The following BBS9 variants were observed in gnomAD, a reference collection of about 807,000 sequenced individuals.
BBS9 encodes the protein protein PTHB1.
A neutral mutation model predicts 117.7 loss-of-function variants in BBS9; 89 were observed. The observed-to-expected ratio is 0.76, with a 90% CI of 0.64 to 0.90. The LOEUF (loss-of-function observed/expected upper bound fraction) is 0.90, where lower values mean the gene tolerates loss of function less well. BBS9 is among the 40% of genes least tolerant of loss of function. The pLI is 0.00. For synonymous variants in BBS9, 379 were observed against 370.9 expected, an observed-to-expected ratio of 1.02 and a Z score of -0.25; for missense variants, 982 against 1,042.2, an observed-to-expected ratio of 0.94 and a Z score of 0.80.
chr7:33,159,160 G>A (rs1204565847), intron 4 of BBS9, among the ~76,000 whole-genome samples: 3 of 152,082 alleles, frequency 2.0e-5, no homozygotes, highest in Non-Finnish European at 4.4e-5. Flanking sequence ...AAGATGTAAG[G>A]AGGCAGCTTT....
At chr7:33,272,757 AGT>A (rs1194840483) in intron 7 of BBS9, among the ~76,000 whole-genome samples, 1 of 152,144 alleles carries the variant, frequency 6.6e-6, no homozygotes, top group Non-Finnish European at 1.5e-5. Context: ...GAAGCAGATA[AGT>A]GTTTTAGTGT....
chr7:33,280,222 G>GT (rs1801547186), intron 9 of BBS9, among the ~76,000 whole-genome samples: 1 of 152,096 alleles, frequency 6.6e-6, no homozygotes, highest in Non-Finnish European at 1.5e-5. Context: ...GTGCAAGTTT[G>GT]TTACATGGGT....
At chr7:33,535,017 G>A (rs971700389) in intron 21 of BBS9, among the ~76,000 whole-genome samples, 1 of 152,064 alleles carries the variant, frequency 6.6e-6, no homozygotes, top group African/African-American at 2.4e-5. Flanking sequence ...CTCTCTGGTA[G>A]TCTTGCTGTT....
chr7:33,532,548 T>TATTA (rs1309228092), intron 20 of BBS9, among the ~76,000 whole-genome samples: 1 of 152,054 alleles, frequency 6.6e-6, no homozygotes, highest in Non-Finnish European at 1.5e-5. Flanking sequence ...GCCAGATGCT[T>TATTA]ATTAAACCAT....
intron 21 of BBS9, among the ~76,000 whole-genome samples, chr7:33,633,539 A>G (rs17170315): frequency 0.066 from 9,386 of 141,370 alleles, 969 homozygotes; most frequent in East Asian, 0.41. Context: ...TTGAGATTTG[A>G]AAATCCTTGG....
At position 33,199,774 on chromosome 7, in the gene BBS9, A is replaced by G. The variant is rs115246507; in HGVS notation, c.442+22183A>G. Among the ~76,000 whole-genome samples, 1,180 of 151,992 alleles carry G rather than the reference A, an allele frequency of 7.8e-3. 17 individuals are homozygous for G. Among genetic ancestry groups the G allele is most frequent in the African/African-American group, 0.027 (1,126 of 41,496 alleles). ...CTAGAAAAATAAGGATGAAGTTTTT[A>G]GGCAACGAGATCTTAGAAGGAGAGG... On this transcript the variant is annotated intron_variant, in intron 5 of 22. Coordinates refer to ENST00000242067, the MANE Select transcript of BBS9 (RefSeq NM_198428.3).
chr7:33,543,112 G>A (rs1455160197), intron 21 of BBS9, among the ~76,000 whole-genome samples: 2 of 151,984 alleles, frequency 1.3e-5, no homozygotes, highest in Non-Finnish European at 2.9e-5. Flanking sequence ...CTGCATCCAC[G>A]CCAACATCTA....
chr7:33,407,221 T>A (rs528625883), intron 19 of BBS9, among the ~76,000 whole-genome samples: 2 of 152,194 alleles, frequency 1.3e-5, no homozygotes, highest in Non-Finnish European at 2.9e-5. Flanking sequence ...TCCTGTTGAT[T>A]GCATTGGCTC....
At chr7:33,369,125 C>T (rs1326492028) in intron 17 of BBS9, among the ~76,000 whole-genome samples, 2 of 152,128 alleles carry the variant, frequency 1.3e-5, no homozygotes, top group Non-Finnish European at 2.9e-5. Flanking sequence ...GTACATAGCA[C>T]CATTTTGCTT....
chr7:33,448,758 G>A (rs1837349147), intron 19 of BBS9, among the ~76,000 whole-genome samples: 1 of 152,204 alleles, frequency 6.6e-6, no homozygotes, highest in South Asian at 2.1e-4. Context: ...AAATCTAAAT[G>A]TTCCCTGAGC....
upstream of BBS9, chr7:33,129,364 A>G: frequency 2.2e-6 from 1 of 454,584 alleles, no homozygotes; most frequent in African/African-American, 2.0e-5. Context: ...AGGGCAGAGG[A>G]TTGCAGTAAT....
intron 21 of BBS9, among the ~76,000 whole-genome samples, chr7:33,560,294 G>A (rs928212482): frequency 6.6e-6 from 1 of 152,090 alleles, no homozygotes; most frequent in Admixed American, 6.5e-5. Context: ...GGATCATAGT[G>A]GATTATTCTG....
intron 19 of BBS9, among the ~76,000 whole-genome samples, chr7:33,500,690 G>T (rs1262244471): frequency 1.3e-5 from 2 of 152,212 alleles, no homozygotes; most frequent in African/African-American, 2.4e-5. Flanking sequence ...AGATTCAATG[G>T]TAAGTTTAGG....
intron 19 of BBS9, among the ~76,000 whole-genome samples, chr7:33,403,459 TC>T (rs1329614806): frequency 2.1e-5 from 2 of 97,280 alleles, no homozygotes; most frequent in Non-Finnish European, 4.0e-5. Context: ...ATGCTATCCC[TC>T]CCCCCTCCCC....
At chr7:33,382,984 C>G (rs867605306) in intron 17 of BBS9, among the ~76,000 whole-genome samples, 7 of 152,156 alleles carry the variant, frequency 4.6e-5, no homozygotes, top group Admixed American at 4.6e-4. Context: ...TTATGCCCAA[C>G]AAATAATAGC....
At chr7:33,501,518 A>G (rs79995619) in intron 19 of BBS9, among the ~76,000 whole-genome samples, 1,965 of 152,290 alleles carry the variant, frequency 0.013, 18 homozygotes, top group Middle Eastern at 0.017. Flanking sequence ...TCCGATTGAT[A>G]TATTTTGGGC....
At chr7:33,193,732 C>T (rs184022570) in intron 5 of BBS9, among the ~76,000 whole-genome samples, 1 of 152,164 alleles carries the variant, frequency 6.6e-6, no homozygotes. Flanking sequence ...TGGCTTCAAC[C>T]CTCTCTTTTG....
intron 21 of BBS9, among the ~76,000 whole-genome samples, chr7:33,565,561 G>A (rs1480174575): frequency 6.6e-6 from 1 of 151,446 alleles, no homozygotes; most frequent in Non-Finnish European, 1.5e-5. Flanking sequence ...GTTTTCCAGG[G>A]TGCATGATGA....
intron 21 of BBS9, among the ~76,000 whole-genome samples, chr7:33,616,976 C>G (rs968412987): frequency 6.6e-6 from 1 of 151,846 alleles, no homozygotes; most frequent in South Asian, 2.1e-4. Context: ...CTTTCTGTTT[C>G]TGGGTTATAT....
Sources: allele counts gnomAD v4.1 joint callset (sites outside exome capture counted in the v4.1 genomes callset), GRCh38; gene constraint gnomAD v4.1.1; transcripts MANE v1.5; gene names NCBI Gene and HGNC (gene_info 2026-07-23, HGNC 2026-07-21).